Variants in UNC93B1 observed in about 807,000 individuals in gnomAD.
UNC93B1 encodes the protein unc-93B1 regulator of TLR signaling.
In UNC93B1, 33 loss-of-function variants were observed where a neutral mutation model predicts 56.8. The ratio of observed to expected loss-of-function variants is 0.58; its 90% confidence interval spans 0.44 to 0.78. UNC93B1 has a LOEUF of 0.78. UNC93B1 is among the 30% of genes least tolerant of loss of function. The pLI is 0.00. For synonymous variants in UNC93B1, 334 were observed against 358.6 expected (o/e 0.93, Z 0.77); for missense variants, 673 against 819.5 (o/e 0.82, Z 2.18).
Position 67,997,796 on chromosome 11 carries a change from G to A in UNC93B1, c.785C>T (p.Thr262Ile), listed in dbSNP as rs369589225. ...HTLYNVQSCG[T>I]NSHGILSGFN... Reference sequence around the variant, plus strand: ...GCCGCTGAGGATCCCGTGGCTGTTGGTGCCTGGGAAGGGTGGGGGTGAGGG... The same window carrying A: ...GCCGCTGAGGATCCCGTGGCTGTTGATGCCTGGGAAGGGTGGGGGTGAGGG... The change falls in exon 7 of 11, where the codon ACC (threonine) becomes ATC (isoleucine). Residue 262 changes from threonine (T) to isoleucine (I), a missense_variant. Thr to Ile is a moderately conservative substitution (Grantham distance 89). Coordinates refer to ENST00000227471, the MANE Select transcript of UNC93B1 (RefSeq NM_030930.4). 1 of 1,607,122 alleles carries A rather than the reference G, an allele frequency of 6.2e-7. No homozygotes were observed. Among genetic ancestry groups the A allele is most frequent in the African/African-American group, 1.3e-5 (1 of 74,924 alleles).
Position 68,003,894 on chromosome 11 carries a change from GGGA to G in UNC93B1, c.96+51_96+53del. The G allele has an allele frequency of 7.7e-7, 1 of 1,293,212 alleles. No individual in the cohort carries two copies. Among genetic ancestry groups the G allele is most frequent in the East Asian group, 3.3e-5 (1 of 30,510 alleles). 80.1% of individuals were successfully genotyped at this position (1,293,212 alleles called of 1,614,324 possible). On this transcript the variant is annotated intron_variant, in intron 1 of 10. Transcript: ENST00000227471. The surrounding 1 kb of genome is among the most constrained non-coding windows in gnomAD (Gnocchi z 4.4). ...CCCGGCCCGCCCCGCCCCCGCCGGG[GGGA>G]CCCTGGCCCACAGGGGACGCCCGCG...
In UNC93B1 at chr11:67,999,746, G is replaced by A. The variant is rs1038964603; in HGVS notation, c.393-66C>T. 2.1e-4 allele frequency: 336 copies of A among 1,563,356 alleles called. 1 individual carries two copies. Among genetic ancestry groups the A allele is most frequent in the Non-Finnish European group, 2.8e-4 (319 of 1,155,062 alleles). On this transcript the variant is annotated intron_variant, in intron 3 of 10. Transcript: ENST00000227471. ...GGACCACTGTGGCCTGAAGCCAAAC[G>A]GGGCCACAACCGCAGGTCCCAGCTC...
Position 67,997,732 on chromosome 11 carries a change from T to G in UNC93B1, c.849A>C (p.Gly283=), listed in dbSNP as rs2134362169. 1 of 1,609,722 alleles carries G rather than the reference T, an allele frequency of 6.2e-7. No homozygotes were observed. The highest frequency in any genetic ancestry group is 1.7e-5 in the Admixed American group (1 of 60,022). ...KTVLRTLPRS[G]NLIVVESVLM... is the part of the protein sequence containing the mutation. ...GCACGCTCTCCACCACAATGAGGTTTCCGCTCCGCGGGAGCGTCCGCAGAA... is the reference window on the plus strand; with the variant it reads ...GCACGCTCTCCACCACAATGAGGTTGCCGCTCCGCGGGAGCGTCCGCAGAA... The change falls in exon 7 of 11, where the codon GGA becomes GGC. Residue 283 remains glycine, a synonymous_variant. Coordinates refer to ENST00000227471, the MANE Select transcript of UNC93B1 (RefSeq NM_030930.4).
intron 3 of UNC93B1, among the ~76,000 whole-genome samples, chr11:68,001,609 C>T (rs1456557902): frequency 2.0e-5 from 3 of 151,560 alleles, no homozygotes; most frequent in African/African-American, 4.9e-5. Context: ...GAGCTGTGTT[C>T]GTGCCACTGC....
intron 7 of UNC93B1, 163 bp downstream of exon 7, chr11:67,997,512 G>C: frequency 8.0e-7 from 1 of 1,257,130 alleles, no homozygotes; most frequent in Non-Finnish European, 1.1e-6. Context: ...GCAGCACTCG[G>C]CCCTAGCTCC....
chr11:67,997,606 T>A (rs1856970226), intron 7 of UNC93B1, 69 bp downstream of exon 7: 1 of 1,591,914 alleles, frequency 6.3e-7, no homozygotes, highest in African/African-American at 1.3e-5. Flanking sequence ...CCAGACCCTT[T>A]CTCGCAGACT....
Position 68,003,773 on chromosome 11 carries a change from G to A in UNC93B1, c.122C>T (p.Pro41Leu). The A allele has an allele frequency of 6.6e-7, 1 of 1,515,882 alleles. No homozygotes were observed. 93.9% of individuals were successfully genotyped at this position (1,515,882 alleles called of 1,614,324 possible). A position where few individuals can be genotyped will look rare whatever the true frequency, so the allele number is the denominator to read the frequency against. ...APLDELVGAY[P>L]NYNEEEEERR... ...CTCCTCCTCCTCCTCGTTGTAGTTG[G>A]GGTACGCGCCCACCAGCTCGTCCAG... Residue 41 changes from proline to leucine, a missense_variant, in exon 2 of 11, where the codon CCC becomes CTC. Physicochemically the swap from Pro to Leu is moderately conservative, Grantham distance 98 (BLOSUM62 -3). Transcript: ENST00000227471. The surrounding 1 kb of genome is among the most constrained non-coding windows in gnomAD (Gnocchi z 4.4).
At chr11:67,994,866 C>T (rs1010520249) in intron 9 of UNC93B1, among the ~76,000 whole-genome samples, 8 of 152,344 alleles carry the variant, frequency 5.3e-5, no homozygotes, top group African/African-American at 1.9e-4. Context: ...CATGGATGCC[C>T]GGCAGGACTG....
rs1486123192 is a variant in UNC93B1 at position 67,995,442 on chromosome 11, G to A, written c.1363+169C>T. ...TCCATAAGACTTCCCTTCCACCCCC[G>A]GAGTGTCCACAGGAAGCCCCACCTG... On this transcript the variant is annotated intron_variant, in intron 9 of 10. Coordinates refer to ENST00000227471, the MANE Select transcript of UNC93B1 (RefSeq NM_030930.4). 2.6e-5 allele frequency among the ~76,000 whole-genome samples: 4 copies of A among 151,796 alleles called. No homozygotes were observed. The South Asian group carries it at 6.3e-4, about 24-fold the overall frequency.
chr11:68,003,955 T>C lies in UNC93B1; in HGVS notation c.89A>G (p.Glu30Gly). The C allele has an allele frequency of 7.2e-7, 1 of 1,387,914 alleles. No individual in the cohort carries two copies. The highest frequency in any genetic ancestry group is 9.4e-7 in the Non-Finnish European group (1 of 1,067,148). 86.0% of individuals were successfully genotyped at this position (1,387,914 alleles called of 1,614,324 possible). ...CTCCGGGTCCCCGCTCACCGGGGCC[T>C]CGGGCCCGTCCGGGACCCCGAGCAG... The part of the protein sequence containing the change: ...EDLLGVPDGP[E>G]APLDELVGAY... The change falls in exon 1 of 11, where the codon GAG becomes GGG. Residue 30 changes from glutamate (E) to glycine (G), a missense_variant. Physicochemically the swap from Glu to Gly is moderately conservative, Grantham distance 98. Around this residue, in one of 3 missense-constraint regions of UNC93B1, gnomAD observed 438 missense variants for 465.9 expected, o/e 0.94. Transcript: ENST00000227471. This position sits in a 1 kb window ranked among gnomAD's most constrained non-coding sequence, Gnocchi z 4.4.
chr11:68,001,899 T>A (rs775231089), intron 3 of UNC93B1, among the ~76,000 whole-genome samples: 130 of 151,974 alleles, frequency 8.6e-4, no homozygotes, highest in Non-Finnish European at 1.7e-3. Flanking sequence ...ATCCCAGCAC[T>A]TTGGGAGGCC....
rs1291025088 is a variant in UNC93B1 at position 67,996,635 on chromosome 11, G to A, written c.1056C>T (p.Phe352=). 2.6e-6 allele frequency: 4 copies of A among 1,551,358 alleles called. No individual in the cohort carries two copies. Among genetic ancestry groups the A allele is most frequent in the Non-Finnish European group, 3.5e-6 (4 of 1,146,732 alleles). The change falls in exon 8 of 11, where the codon TTC becomes TTT. Residue 352 remains phenylalanine (F), a synonymous_variant. Coordinates refer to ENST00000227471, the MANE Select transcript of UNC93B1 (RefSeq NM_030930.4). ...HLVPFFIYSG[F]EVLFACTGIA... ...TACCAGTGCAGGCAAAGAGCACCTC[G>A]AAGCCGCTGTAGATAAAGAAAGGCA...
rs1307298614 is a variant in UNC93B1, at chr11:67,997,858, G to A, written c.782-59C>T. 10 of 1,581,108 alleles carry A rather than the reference G, an allele frequency of 6.3e-6. No individual in the cohort carries two copies. In the African/African-American group the frequency reaches 1.3e-4, roughly 21 times the overall value. ...GAGAGTAGGGCACACAGTCAATCCA[G>A]CCACCAGGGTGGAGCCACGCAGGCC... On this transcript the variant is annotated intron_variant, in intron 6 of 10. Transcript: ENST00000227471.
At chr11:68,001,697 A>G (rs922307917) in intron 3 of UNC93B1, among the ~76,000 whole-genome samples, 13 of 152,030 alleles carry the variant, frequency 8.6e-5, no homozygotes, top group African/African-American at 2.9e-4. Context: ...TAATTTAAAA[A>G]AAAAAAACAA....
In UNC93B1 at chr11:68,003,960, C is replaced by T. The variant is rs1412163971; in HGVS notation, c.84G>A (p.Gly28=). The T allele has an allele frequency of 2.9e-6, 4 of 1,393,296 alleles. No homozygotes were observed. Among genetic ancestry groups the T allele is most frequent in the Admixed American group, 2.6e-5 (1 of 38,262 alleles). The allele number at this position is 1,393,296 out of a possible 1,614,324, so 86.3% of individuals were successfully genotyped here. A position where few individuals can be genotyped will look rare whatever the true frequency, so the allele number is the denominator to read the frequency against. Residue 28 remains glycine, a synonymous_variant, in exon 1 of 11, where the codon GGG becomes GGA. Transcript: ENST00000227471. This position sits in a 1 kb window ranked among gnomAD's most constrained non-coding sequence, Gnocchi z 4.4. ...GGTCCCCGCTCACCGGGGCCTCGGG[C>T]CCGTCCGGGACCCCGAGCAGGTCCT... ...GDEDLLGVPD[G]PEAPLDELVG...
At position 67,998,399 on chromosome 11, in the gene UNC93B1, C is replaced by A. The variant is rs768162221; in HGVS notation, c.741G>T (p.Leu247=). 10 of 1,613,868 alleles carry A rather than the reference C, an allele frequency of 6.2e-6. No individual in the cohort carries two copies. Among genetic ancestry groups the A allele is most frequent in the Non-Finnish European group, 6.8e-6 (8 of 1,179,874 alleles). Residue 247 remains leucine, a synonymous_variant, in exon 6 of 11, where the codon CTG becomes CTT. Coordinates refer to ENST00000227471, the MANE Select transcript of UNC93B1 (RefSeq NM_030930.4). ...TGTACAGCGTGTGGTTCAGGTCATA[C>A]AGGTAGTGGTTCAGGAAATAAATCA... The part of the protein sequence containing the change: ...LPMIYFLNHY[L]YDLNHTLYNV...
Position 67,998,390 on chromosome 11 carries a change from C to T in UNC93B1, c.750G>A (p.Leu250=). Residue 250 remains leucine (L), a synonymous_variant, in exon 6 of 11, where the codon CTG becomes CTA. Coordinates refer to ENST00000227471, the MANE Select transcript of UNC93B1 (RefSeq NM_030930.4). ...IYFLNHYLYD[L]NHTLYNVQSC... ...TCTGCACATTGTACAGCGTGTGGTT[C>T]AGGTCATACAGGTAGTGGTTCAGGA... is the stretch of plus-strand genomic sequence containing the variant. The T allele has an allele frequency of 6.2e-7, 1 of 1,613,960 alleles. No individual in the cohort carries two copies. Among genetic ancestry groups the T allele is most frequent in the Non-Finnish European group, 8.5e-7 (1 of 1,179,858 alleles).
chr11:68,003,806 C>T lies in UNC93B1; in HGVS notation c.97-8G>A. 1 of 1,473,028 alleles carries T rather than the reference C, an allele frequency of 6.8e-7. No individual in the cohort carries two copies. The highest frequency in any genetic ancestry group is 9.0e-7 in the Non-Finnish European group (1 of 1,116,672). The allele number at this position is 1,473,028 out of a possible 1,614,324, so 91.2% of individuals were successfully genotyped here. On this transcript the variant is annotated splice_polypyrimidine_tract_variant and splice_region_variant and intron_variant, in intron 1 of 10. Coordinates refer to ENST00000227471, the MANE Select transcript of UNC93B1 (RefSeq NM_030930.4). This position sits in a 1 kb window ranked among gnomAD's most constrained non-coding sequence, Gnocchi z 4.4. ...GCCCACCAGCTCGTCCAGCTGCGAGCCACGCACGCCGCTCGCACCCGCGAT... is the reference window on the plus strand; with the variant it reads ...GCCCACCAGCTCGTCCAGCTGCGAGTCACGCACGCCGCTCGCACCCGCGAT...
chr11:68,003,503 C>G lies in UNC93B1; in HGVS notation c.238+154G>C. 2.5e-6 allele frequency: 3 copies of G among 1,219,476 alleles called. No homozygotes were observed. The highest frequency in any genetic ancestry group is 3.5e-5 in the Admixed American group (1 of 28,628). The allele number at this position is 1,219,476 out of a possible 1,614,324, so 75.5% of individuals were successfully genotyped here. On this transcript the variant is annotated intron_variant, in intron 2 of 10. Coordinates refer to ENST00000227471, the MANE Select transcript of UNC93B1 (RefSeq NM_030930.4). This position sits in a 1 kb window ranked among gnomAD's most constrained non-coding sequence, Gnocchi z 4.4. The stretch of plus-strand genomic sequence containing the variant: ...CGGGGACGCTGCGCTACTTGACCCC[C>G]CAACCCCACCCCCGCCGCGGGGGGC...
Sources: gnomAD v4.1 joint callset for allele counts (sites outside exome capture counted in the v4.1 genomes callset) on GRCh38, gnomAD v4.1.1 for gene constraint, gnomAD v4.1.1 regional missense constraint, Gnocchi (gnomAD v3.1) non-coding constraint, MANE v1.5 for transcripts, NCBI Gene and HGNC (gene_info 2026-07-23, HGNC 2026-07-21) for gene names.